The following VPS35L variants were observed in gnomAD, a reference collection of about 807,000 sequenced individuals.
VPS35L encodes VPS35 endosomal protein-sorting factor-like.
Under a neutral mutation model 133.0 loss-of-function variants are expected in VPS35L, and 83 were observed. The ratio of observed to expected loss-of-function variants is 0.62; its 90% CI spans 0.52 to 0.75. The LOEUF (loss-of-function observed/expected upper bound fraction) is 0.75, where lower values mean the gene tolerates loss of function less well. Ranked by LOEUF, VPS35L falls within the 30% of genes least tolerant of loss-of-function variation. The probability of loss-of-function intolerance (pLI) is 0.00; values close to 1 mark genes in which losing one functional copy is unlikely to be tolerated. For missense variants in VPS35L, 1,083 were observed against 1,206.8 expected (o/e 0.90, Z 1.52); for synonymous variants, 423 against 449.9 (o/e 0.94, Z 0.76).
intron 14 of VPS35L, chr16:19,617,476 T>C (rs1033407918): frequency 1.3e-5 from 2 of 153,080 alleles, no homozygotes; most frequent in Non-Finnish European, 2.9e-5. Context: ...CCCTTTTGTG[T>C]TTATAATAAT....
intron 1 of VPS35L, among the ~76,000 whole-genome samples, chr16:19,556,633 CTTAGA>C (rs1417597870): frequency 1.3e-5 from 2 of 152,182 alleles, no homozygotes. Flanking sequence ...TGTGAAGTAG[CTTAGA>C]TTAAATGAGC....
chr16:19,611,528 G>C (rs1284090414), intron 12 of VPS35L, among the ~76,000 whole-genome samples: 2 of 152,176 alleles, frequency 1.3e-5, no homozygotes, highest in Non-Finnish European at 2.9e-5. Flanking sequence ...CATGTAGCCT[G>C]TGATTTGCCT....
intron 29 of VPS35L, chr16:19,694,488 C>CT (rs969957675): frequency 1.2e-3 from 178 of 144,624 alleles, no homozygotes; most frequent in Middle Eastern, 3.7e-3. Flanking sequence ...GATTTCTTTT[C>CT]TTTTTTTTTT....
In VPS35L at chr16:19,628,713, A is replaced by G. The variant is rs370460906; in HGVS notation, c.1460A>G (p.Asn487Ser). The part of the protein sequence containing the change: ...PPESDRLQIL[N>S]EAWKVITKLK... ...GAGAGTGACCGACTTCAGATTCTCA[A>G]CGAAGCTTGGAAAGTCATCACTAAG... Residue 487 changes from asparagine to serine, a missense_variant, in exon 17 of 31, where the codon AAC (asparagine) becomes AGC (serine). By Grantham distance (46) the Asn-to-Ser change is conservative. Coordinates refer to ENST00000417362, the MANE Select transcript of VPS35L (RefSeq NM_020314.7). The G allele has an allele frequency of 3.3e-5, 52 of 1,596,210 alleles. No individual in the cohort carries two copies. Among genetic ancestry groups the G allele is most frequent in the Middle Eastern group, 1.7e-4 (1 of 6,032 alleles).
chr16:19,663,108 G>T (rs968651110), intron 26 of VPS35L, among the ~76,000 whole-genome samples: 1 of 152,020 alleles, frequency 6.6e-6, no homozygotes. Flanking sequence ...TCAGGAGTTC[G>T]AGATCAGCCT....
chr16:19,639,721 G>T lies in VPS35L; in HGVS notation c.1699-294G>T, dbSNP rs1259062074. On this transcript the variant is annotated intron_variant, in intron 20 of 30. Coordinates refer to ENST00000417362, the MANE Select transcript of VPS35L (RefSeq NM_020314.7). This position sits in a 1 kb window ranked among gnomAD's most constrained non-coding sequence, Gnocchi z 4.1. ...TTTTTGTATTTTTAGTAGAGACAGG[G>T]TTTCGCCATGTTGGCCAGGCTGGTC... Among the ~76,000 whole-genome samples the T allele has an allele frequency of 1.3e-5, 2 of 152,096 alleles. No individual in the cohort carries two copies. Among genetic ancestry groups the T allele is most frequent in the Admixed American group, 1.3e-4 (2 of 15,270 alleles).
chr16:19,593,943 A>C (rs1359152193), intron 8 of VPS35L, among the ~76,000 whole-genome samples: 1 of 150,364 alleles, frequency 6.7e-6, no homozygotes, highest in Admixed American at 6.6e-5. Context: ...AAGAGAAAAA[A>C]AAAGACCTTG....
intron 7 of VPS35L, among the ~76,000 whole-genome samples, chr16:19,583,613 T>A (rs1971772843): frequency 6.6e-6 from 1 of 151,842 alleles, no homozygotes; most frequent in Non-Finnish European, 1.5e-5. Flanking sequence ...TCCCAGTTAC[T>A]TGGGAGGCTG....
intron 14 of VPS35L, among the ~76,000 whole-genome samples, chr16:19,622,321 T>C (rs1973112111): frequency 6.6e-6 from 1 of 151,838 alleles, no homozygotes; most frequent in Admixed American, 6.6e-5. Flanking sequence ...TTTTGTATTT[T>C]TAGTAGAGAC....
At chr16:19,640,171 G>T in intron 21 of VPS35L, 71 bp downstream of exon 21, 1 of 1,436,834 alleles carries the variant, frequency 7.0e-7, no homozygotes, top group Non-Finnish European at 9.7e-7. Context: ...TAAAAAATCA[G>T]TTCTTGCACT....
At chr16:19,648,859 AG>A (rs1304067547) in intron 24 of VPS35L, among the ~76,000 whole-genome samples, 1 of 140,676 alleles carries the variant, frequency 7.1e-6, no homozygotes, top group Non-Finnish European at 1.5e-5. Context: ...TAGGCAACAA[AG>A]GGAGACTCCA....
chr16:19,564,934 C>T lies in VPS35L; in HGVS notation c.101C>T (p.Pro34Leu), dbSNP rs1193014452. Residue 34 changes from proline (P) to leucine (L), a missense_variant, in exon 2 of 31, where the codon CCT becomes CTT. Transcript: ENST00000417362. Reference protein sequence around the residue: ...AVPLEFGDYHPLKPITVTESK... With the variant: ...AVPLEFGDYHLLKPITVTESK... ...CCATTGGAGTTTGGGGACTATCACCCTCTGAAACCCATAACTGTAAGTTTT... is the reference window on the plus strand; with the variant it reads ...CCATTGGAGTTTGGGGACTATCACCTTCTGAAACCCATAACTGTAAGTTTT... The T allele has an allele frequency of 2.5e-6, 4 of 1,609,138 alleles. No homozygotes were observed. The highest frequency in any genetic ancestry group is 1.7e-5 in the Admixed American group (1 of 59,982).
At position 19,639,871 on chromosome 16, in the gene VPS35L, T is replaced by C. The variant is rs1973733498; in HGVS notation, c.1699-144T>C. On this transcript the variant is annotated intron_variant, in intron 20 of 30. Transcript: ENST00000417362. This position sits in a 1 kb window ranked among gnomAD's most constrained non-coding sequence, Gnocchi z 4.1. ...AAGCCCAGTCAGGTCCTCTCCCTGA[T>C]TTCAGAGGAGTCCTCATCTGACCCG... 1.5e-6 allele frequency: 1 copy of C among 655,084 alleles called. No homozygotes were observed. Among genetic ancestry groups the C allele is most frequent in the African/African-American group, 1.8e-5 (1 of 54,208 alleles). 40.6% of individuals were successfully genotyped at this position (655,084 alleles called of 1,614,324 possible).
chr16:19,628,686 C>T lies in VPS35L; in HGVS notation c.1433C>T (p.Pro478Leu). Residue 478 changes from proline (P) to leucine (L), a missense_variant, in exon 17 of 31, where the codon CCT (proline) becomes CTT (leucine). Pro to Leu is a moderately conservative substitution (Grantham distance 98). Transcript: ENST00000417362. ...LGLNLALADP[P>L]ESDRLQILNE... ...TTAAACTTGGCCTTGGCTGATCCTC[C>T]TGAGAGTGACCGACTTCAGATTCTC... The T allele has an allele frequency of 6.2e-7, 1 of 1,603,876 alleles. No individual in the cohort carries two copies. The highest frequency in any genetic ancestry group is 8.5e-7 in the Non-Finnish European group (1 of 1,173,702).
chr16:19,691,815 C>T (rs1203968419), intron 29 of VPS35L, among the ~76,000 whole-genome samples: 1 of 151,820 alleles, frequency 6.6e-6, no homozygotes, highest in Non-Finnish European at 1.5e-5. Flanking sequence ...CTGAAATGTT[C>T]TGTCTGTCCA....
At chr16:19,565,583 C>T (rs1354217948) in intron 2 of VPS35L, among the ~76,000 whole-genome samples, 1 of 152,214 alleles carries the variant, frequency 6.6e-6, no homozygotes, top group East Asian at 1.9e-4. Context: ...GAACCCTTGA[C>T]CTCAGGTGAT....
rs1331800780 is a variant in VPS35L, at chr16:19,602,907, T to A, written c.784+1184T>A. On this transcript the variant is annotated intron_variant, in intron 9 of 30. Coordinates refer to ENST00000417362, the MANE Select transcript of VPS35L (RefSeq NM_020314.7). ...GCATGAGCAACCGTGCCCGTCCCTT[T>A]TTTTTTTTTCTATTTAATATTTTTA... Among the ~76,000 whole-genome samples, 19 of 150,118 alleles carry A rather than the reference T, an allele frequency of 1.3e-4. No individual in the cohort carries two copies. In the South Asian group the frequency reaches 4.0e-3, roughly 32 times the overall value.
intron 12 of VPS35L, among the ~76,000 whole-genome samples, chr16:19,614,930 A>G (rs992769690): frequency 6.6e-6 from 1 of 152,248 alleles, no homozygotes; most frequent in African/African-American, 2.4e-5. Flanking sequence ...CAATGAAGTC[A>G]GGACCCAGTG....
At chr16:19,660,080 C>CT (rs1212009374) in intron 26 of VPS35L, among the ~76,000 whole-genome samples, 1 of 152,058 alleles carries the variant, frequency 6.6e-6, no homozygotes, top group Non-Finnish European at 1.5e-5. Flanking sequence ...AATCCCAGCA[C>CT]TTTGGGAGGC....
Sources: allele counts gnomAD v4.1 joint callset (sites outside exome capture counted in the v4.1 genomes callset), GRCh38; gene constraint gnomAD v4.1.1; non-coding constraint Gnocchi (gnomAD v3.1); transcripts MANE v1.5; gene names NCBI Gene and HGNC (gene_info 2026-07-23, HGNC 2026-07-21).